The following CHST9 variants were observed in gnomAD, a reference collection of about 807,000 sequenced individuals.
CHST9 encodes the protein carbohydrate sulfotransferase 9.
A neutral mutation model predicts 44.4 loss-of-function variants in CHST9; 41 were observed. The observed-to-expected ratio is 0.92, with a 90% CI of 0.72 to 1.20. CHST9 has a LOEUF of 1.20. Ranked by LOEUF, CHST9 falls within the 50% of genes most tolerant of loss-of-function variation. The pLI is 0.00. For synonymous variants in CHST9, 171 were observed against 178.4 expected (o/e 0.96, Z 0.33); for missense variants, 504 against 516.5 (o/e 0.98, Z 0.23).
intron 4 of CHST9, among the ~76,000 whole-genome samples, chr18:26,996,237 T>G (rs1328173830): frequency 1.3e-5 from 2 of 152,228 alleles, no homozygotes; most frequent in East Asian, 3.8e-4. Context: ...ACTTATACCC[T>G]GTAAACATGA....
At chr18:27,075,070 T>A (rs2057887780) in intron 2 of CHST9, among the ~76,000 whole-genome samples, 1 of 151,120 alleles carries the variant, frequency 6.6e-6, no homozygotes, top group South Asian at 2.1e-4. Context: ...TAAAGAAAAA[T>A]GAAACACTCC....
chr18:26,995,334 A>G (rs1362889123), intron 4 of CHST9, among the ~76,000 whole-genome samples: 1 of 148,532 alleles, frequency 6.7e-6, no homozygotes, highest in Non-Finnish European at 1.5e-5. Context: ...GTTACTCGGG[A>G]GGCTGATGCA....
chr18:27,116,617 C>T (rs890926926), intron 2 of CHST9, among the ~76,000 whole-genome samples: 10 of 152,068 alleles, frequency 6.6e-5, no homozygotes, highest in African/African-American at 2.2e-4. Context: ...CTCAGCTTAT[C>T]AATTTTGGCA....
intron 5 of CHST9, among the ~76,000 whole-genome samples, chr18:26,927,446 T>C (rs1246064581): frequency 6.6e-6 from 1 of 152,110 alleles, no homozygotes; most frequent in Non-Finnish European, 1.5e-5. Context: ...TATTTATTGA[T>C]TATTATCTCT....
At chr18:26,966,851 A>G (rs2056471502) in intron 4 of CHST9, among the ~76,000 whole-genome samples, 1 of 151,582 alleles carries the variant, frequency 6.6e-6, no homozygotes, top group Admixed American at 6.6e-5. Context: ...ACTGGAGATA[A>G]GAAAACAATA....
chr18:26,982,332 C>T (rs553081795), intron 4 of CHST9, among the ~76,000 whole-genome samples: 22 of 135,282 alleles, frequency 1.6e-4, no homozygotes, highest in Non-Finnish European at 2.8e-4. Flanking sequence ...AGCTAAACTC[C>T]TTTTACCTTT....
intron 2 of CHST9, among the ~76,000 whole-genome samples, chr18:27,122,361 A>T (rs1598739467): frequency 6.6e-6 from 1 of 152,242 alleles, no homozygotes; most frequent in Non-Finnish European, 1.5e-5. Context: ...AAGCTTTATA[A>T]TATTGCATTC....
At chr18:27,160,575 T>G (rs1353719457) in intron 1 of CHST9, among the ~76,000 whole-genome samples, 2 of 152,204 alleles carry the variant, frequency 1.3e-5, no homozygotes, top group Non-Finnish European at 2.9e-5. Context: ...AATTCTCTTT[T>G]TTTGTTGTGT....
intron 4 of CHST9, among the ~76,000 whole-genome samples, chr18:27,007,752 T>A (rs1389718827): frequency 6.6e-6 from 1 of 152,048 alleles, no homozygotes; most frequent in Non-Finnish European, 1.5e-5. Context: ...AGCATGGAGA[T>A]CAACCATTCG....
chr18:26,917,282 T>C lies in CHST9; in HGVS notation c.309A>G (p.Arg103=), dbSNP rs200130032. 3 of 1,613,712 alleles carry C rather than the reference T, an allele frequency of 1.9e-6. No individual in the cohort carries two copies. The highest frequency in any genetic ancestry group is 2.2e-5 in the East Asian group (1 of 44,870). ...KKENLLLNSE[R]STRLLTKTSH... ...TGGTCTTTGTTAAGAGCCTAGTAGA[T>C]CTCTCAGAATTGAGTAGAAGATTTT... The change falls in exon 6 of 6, where the codon AGA becomes AGG. Residue 103 remains arginine (R), a synonymous_variant. Coordinates refer to ENST00000618847, the MANE Select transcript of CHST9 (RefSeq NM_031422.6).
intron 4 of CHST9, among the ~76,000 whole-genome samples, chr18:26,972,349 T>C (rs1598606414): frequency 1.2e-5 from 1 of 83,820 alleles, no homozygotes; most frequent in Non-Finnish European, 2.1e-5. Flanking sequence ...AGAGCAAGAC[T>C]CCAACTCCAA....
rs942568691 is a variant in CHST9 at position 27,037,871 on chromosome 18, G to A, written c.160+10594C>T. Among the ~76,000 whole-genome samples, 9 of 151,478 alleles carry A rather than the reference G, an allele frequency of 5.9e-5. No individual in the cohort carries two copies. The East Asian group carries it at 1.7e-3, about 29-fold the overall frequency. ...TTTTAAATTTTTACAAGCTCTCAAG[G>A]TCTTTGACTACTGCCAATTCTCAAG... On this transcript the variant is annotated intron_variant, in intron 3 of 5. Coordinates refer to ENST00000618847, the MANE Select transcript of CHST9 (RefSeq NM_031422.6).
chr18:27,029,741 A>C (rs1294057903), intron 3 of CHST9, among the ~76,000 whole-genome samples: 1 of 152,216 alleles, frequency 6.6e-6, no homozygotes, highest in Non-Finnish European at 1.5e-5. Flanking sequence ...AAGAAAAAAG[A>C]GTCTGCAGTT....
rs1464684326 is a variant in CHST9, at chr18:26,912,071, C to T, written c.*4188G>A. 1.3e-5 allele frequency: 2 copies of T among 152,104 alleles called. No individual in the cohort carries two copies. Among genetic ancestry groups the T allele is most frequent in the Non-Finnish European group, 2.9e-5 (2 of 68,038 alleles). 9.4% of individuals were successfully genotyped at this position (152,104 alleles called of 1,614,324 possible). A position where few individuals can be genotyped will look rare whatever the true frequency, so the allele number is the denominator to read the frequency against. On this transcript the variant is annotated 3_prime_UTR_variant, in exon 6 of 6. Coordinates refer to ENST00000618847, the MANE Select transcript of CHST9 (RefSeq NM_031422.6). ...AACCGTGACCATCTGCAGTGGCTGT[C>T]AGGGGCCTATGTGTGGAAAGTTCGC...
intron 4 of CHST9, among the ~76,000 whole-genome samples, chr18:26,973,843 C>T (rs1374322748): frequency 3.3e-5 from 5 of 152,184 alleles, no homozygotes; most frequent in African/African-American, 4.8e-5. Context: ...TTGGTGCCTA[C>T]GGGCTCAAGG....
chr18:27,009,756 T>A (rs1254102366), intron 4 of CHST9, among the ~76,000 whole-genome samples: 15 of 152,198 alleles, frequency 9.9e-5, no homozygotes. Flanking sequence ...ATAAAAAACA[T>A]ATCTTCTGAA....
chr18:27,059,553 T>C (rs1456019380), intron 2 of CHST9, among the ~76,000 whole-genome samples: 1 of 152,226 alleles, frequency 6.6e-6, no homozygotes, highest in Non-Finnish European at 1.5e-5. Flanking sequence ...ACAGAATCTA[T>C]GCTTGTGAAG....
intron 2 of CHST9, among the ~76,000 whole-genome samples, chr18:27,057,215 GC>G (rs1323308666): frequency 2.0e-5 from 3 of 152,170 alleles, no homozygotes; most frequent in Non-Finnish European, 4.4e-5. Context: ...ATAGGTAAAT[GC>G]TATCTTTCAA....
intron 5 of CHST9, among the ~76,000 whole-genome samples, chr18:26,918,496 CAT>C (rs1378562585): frequency 1.4e-5 from 2 of 147,676 alleles, no homozygotes; most frequent in Non-Finnish European, 3.0e-5. Flanking sequence ...ACATGATACA[CAT>C]GATTGCATAT....
Sources: allele counts gnomAD v4.1 joint callset (sites outside exome capture counted in the v4.1 genomes callset), GRCh38; gene constraint gnomAD v4.1.1; transcripts MANE v1.5; gene names NCBI Gene and HGNC (gene_info 2026-07-23, HGNC 2026-07-21).